TBC1D1: variants seen among roughly 807,000 people sequenced by gnomAD.
TBC1D1 encodes TBC1 domain family member 1.
TBC1D1 carries 89 observed loss-of-function variants against 125.6 expected under a neutral mutation model. That is an observed-to-expected ratio of 0.71 (90% CI 0.60 to 0.85). The LOEUF (loss-of-function observed/expected upper bound fraction) is 0.85. Ranked by LOEUF, TBC1D1 falls within the 40% of genes least tolerant of loss-of-function variation. The pLI, the probability that TBC1D1 is intolerant of heterozygous loss-of-function variation, is 0.00. For synonymous variants in TBC1D1, 565 were observed against 564.1 expected (o/e 1.00, Z -0.02); for missense variants, 1,377 against 1,469.2 (o/e 0.94, Z 1.03).
intron 2 of TBC1D1, among the ~76,000 whole-genome samples, chr4:37,956,082 G>A (rs75097504): frequency 7.3e-4 from 110 of 151,288 alleles, no homozygotes; most frequent in Non-Finnish European, 1.5e-3. Context: ...CTGGAGTACC[G>A]GTGTCGTGAT....
intron 2 of TBC1D1, among the ~76,000 whole-genome samples, chr4:37,945,170 C>T (rs1296744865): frequency 1.3e-5 from 2 of 152,076 alleles, no homozygotes. Flanking sequence ...AATCATCGCT[C>T]TTGGTCCAAG....
intron 12 of TBC1D1, among the ~76,000 whole-genome samples, chr4:38,061,250 G>C (rs1306281539): frequency 6.6e-6 from 1 of 151,870 alleles, no homozygotes; most frequent in Non-Finnish European, 1.5e-5. Flanking sequence ...GTGGGCGTTT[G>C]TTTTCTCAGC....
Position 37,995,879 on chromosome 4 carries a change from G to A in TBC1D1, c.418-18630G>A. ...GAATGCATTTCTCTTTGAGAATCCA[G>A]ACTTCTGGCTTAACCATGGCAAGCA... On this transcript the variant is annotated intron_variant, in intron 2 of 19. Coordinates refer to ENST00000261439, the MANE Select transcript of TBC1D1 (RefSeq NM_015173.4). This position sits in a 1 kb window ranked among gnomAD's most constrained non-coding sequence, Gnocchi z 4.3. The A allele has an allele frequency of 1.7e-6, 1 of 580,250 alleles. No individual in the cohort carries two copies. The highest frequency in any genetic ancestry group is 3.4e-6 in the Non-Finnish European group (1 of 294,640). 35.9% of individuals were successfully genotyped at this position (580,250 alleles called of 1,614,324 possible).
At chr4:37,958,762 C>A (rs1729385505) in intron 2 of TBC1D1, among the ~76,000 whole-genome samples, 1 of 152,118 alleles carries the variant, frequency 6.6e-6, no homozygotes, top group African/African-American at 2.4e-5. Context: ...AATAATAATT[C>A]CTGCTAATGG....
At chr4:37,928,817 C>T (rs1722682882) in intron 2 of TBC1D1, among the ~76,000 whole-genome samples, 1 of 152,212 alleles carries the variant, frequency 6.6e-6, no homozygotes, top group African/African-American at 2.4e-5. Context: ...GCCGTTATAA[C>T]TTTGAAAAAT....
chr4:38,003,205 G>A (rs1284973599), intron 2 of TBC1D1, among the ~76,000 whole-genome samples: 5 of 152,104 alleles, frequency 3.3e-5, no homozygotes, highest in African/African-American at 9.7e-5. Context: ...TAAATTTGTT[G>A]CAATTGTGTC....
rs1714907284 is a variant in TBC1D1, at chr4:37,897,507, T to C, written c.-93-4496T>C. Reference sequence around the variant, plus strand: ...GAAGCTAAGAACATGCTACAGCTGGTTGAAAAACAAAAACTTCAGGCATTG... The same window carrying C: ...GAAGCTAAGAACATGCTACAGCTGGCTGAAAAACAAAAACTTCAGGCATTG... On this transcript the variant is annotated intron_variant, in intron 1 of 19. Coordinates refer to ENST00000261439, the MANE Select transcript of TBC1D1 (RefSeq NM_015173.4). Among the ~76,000 whole-genome samples the C allele has an allele frequency of 2.6e-5, 4 of 152,184 alleles. 1 individual carries two copies. The South Asian group carries it at 8.3e-4, about 31-fold the overall frequency.
intron 2 of TBC1D1, among the ~76,000 whole-genome samples, chr4:37,983,757 T>A (rs1305114916): frequency 6.6e-6 from 1 of 152,242 alleles, no homozygotes; most frequent in African/African-American, 2.4e-5. Flanking sequence ...GACATATGAT[T>A]ATCACACAAA....
intron 2 of TBC1D1, among the ~76,000 whole-genome samples, chr4:37,992,766 T>TA (rs1736889783): frequency 6.6e-6 from 1 of 151,388 alleles, no homozygotes; most frequent in African/African-American, 2.4e-5. Flanking sequence ...GTGCTGGGAT[T>TA]ACAGGTGTGA....
chr4:37,960,328 A>C (rs1729724945), intron 2 of TBC1D1: 2 of 1,088,452 alleles, frequency 1.8e-6, no homozygotes, highest in Admixed American at 5.6e-5. Flanking sequence ...CTAGGCACAA[A>C]AATTAGATAT....
chr4:37,972,873 G>A (rs938538036), intron 2 of TBC1D1, among the ~76,000 whole-genome samples: 1 of 143,202 alleles, frequency 7.0e-6, no homozygotes, highest in Non-Finnish European at 1.5e-5. Context: ...CTGCACTCCA[G>A]CCTGGGCAAC....
chr4:38,065,240 A>G (rs1452315447), intron 12 of TBC1D1, among the ~76,000 whole-genome samples: 1 of 152,022 alleles, frequency 6.6e-6, no homozygotes, highest in Non-Finnish European at 1.5e-5. Flanking sequence ...GAGCCACTGC[A>G]CCCACCCAGC....
At chr4:37,996,459 A>G (rs1006569682) in intron 2 of TBC1D1, among the ~76,000 whole-genome samples, 2 of 152,210 alleles carry the variant, frequency 1.3e-5, no homozygotes, top group South Asian at 2.1e-4. Context: ...CCTGTTGATC[A>G]AAGTTAAAGA....
chr4:38,123,551 G>T (rs1764189404), intron 17 of TBC1D1, among the ~76,000 whole-genome samples: 1 of 152,196 alleles, frequency 6.6e-6, no homozygotes, highest in African/African-American at 2.4e-5. Flanking sequence ...CAAAGACACA[G>T]TTAGTTCTCT....
chr4:37,960,350 CCACTATAGT>C (rs1198576603), intron 2 of TBC1D1: 1 of 1,247,086 alleles, frequency 8.0e-7, no homozygotes, highest in Non-Finnish European at 1.1e-6. Flanking sequence ...ACACCAATTT[CCACTATAGT>C]TAACATTCTA....
intron 2 of TBC1D1, among the ~76,000 whole-genome samples, chr4:37,951,816 A>G (rs1464118859): frequency 6.6e-6 from 1 of 152,248 alleles, no homozygotes; most frequent in African/African-American, 2.4e-5. Context: ...GAAAATCTGT[A>G]GAGGGGTCAC....
intron 2 of TBC1D1, among the ~76,000 whole-genome samples, chr4:37,963,888 T>A (rs1730549721): frequency 6.6e-6 from 1 of 152,226 alleles, no homozygotes; most frequent in Non-Finnish European, 1.5e-5. Context: ...ATGGCTCATT[T>A]GTACTTGGCA....
At chr4:38,078,075 A>G (rs1029922926) in intron 12 of TBC1D1, among the ~76,000 whole-genome samples, 6 of 152,324 alleles carry the variant, frequency 3.9e-5, no homozygotes, top group South Asian at 2.1e-4. Flanking sequence ...GCACAGCAGC[A>G]CAGGTCGGTG....
At chr4:37,955,841 A>C (rs577848958) in intron 2 of TBC1D1, among the ~76,000 whole-genome samples, 1 of 152,144 alleles carries the variant, frequency 6.6e-6, no homozygotes, top group East Asian at 1.9e-4. Flanking sequence ...ATAGATTATA[A>C]TACATATTGT....
Sources: allele counts gnomAD v4.1 joint callset (sites outside exome capture counted in the v4.1 genomes callset), GRCh38; gene constraint gnomAD v4.1.1; non-coding constraint Gnocchi (gnomAD v3.1); transcripts MANE v1.5; gene names NCBI Gene and HGNC (gene_info 2026-07-23, HGNC 2026-07-21).